The following AGBL4 variants were observed in gnomAD, a reference collection of about 807,000 sequenced individuals.
AGBL4 encodes cytosolic carboxypeptidase 6.
AGBL4 carries 58 observed loss-of-function variants against 66.4 expected under a neutral mutation model. The ratio of observed to expected loss-of-function variants is 0.87; its 90% CI spans 0.71 to 1.09. AGBL4 has a LOEUF of 1.09. Among genes scored for constraint, AGBL4 ranks in the 50% least tolerant of loss-of-function variants. The probability of loss-of-function intolerance (pLI) is 0.00; values close to 1 mark genes in which losing one functional copy is unlikely to be tolerated. For synonymous variants in AGBL4, 234 were observed against 222.9 expected, an observed-to-expected ratio of 1.05 and a Z score of -0.44; for missense variants, 579 against 631.0, an observed-to-expected ratio of 0.92 and a Z score of 0.88.
Position 49,268,587 on chromosome 1 carries a change from T to C in AGBL4, c.283-22723A>G, listed in dbSNP as rs1012809233. Among the ~76,000 whole-genome samples, 10 of 152,136 alleles carry C rather than the reference T, an allele frequency of 6.6e-5. 1 individual carries two copies. In the East Asian group the frequency reaches 1.9e-3, roughly 29 times the overall value. ...ACTGGAATTATAAGTACAAGCACAG[T>C]GCTTTGCCTTCCTTTTAAAAATTTC... On this transcript the variant is annotated intron_variant, in intron 3 of 13. Coordinates refer to ENST00000371839, the MANE Select transcript of AGBL4 (RefSeq NM_032785.4).
At chr1:49,734,561 T>C (rs1485196930) in intron 2 of AGBL4, among the ~76,000 whole-genome samples, 2 of 151,928 alleles carry the variant, frequency 1.3e-5, no homozygotes, top group Non-Finnish European at 2.9e-5. Flanking sequence ...ATCCAAAAAA[T>C]TAAAAATAAA....
At chr1:49,951,855 T>C (rs750426239) in intron 1 of AGBL4, among the ~76,000 whole-genome samples, 5 of 151,584 alleles carry the variant, frequency 3.3e-5, no homozygotes, top group Non-Finnish European at 7.4e-5. Context: ...TGGAAAGGAG[T>C]AGATATTTAG....
chr1:48,854,846 A>T (rs1197719142), intron 6 of AGBL4, among the ~76,000 whole-genome samples: 1 of 152,208 alleles, frequency 6.6e-6, no homozygotes, highest in East Asian at 1.9e-4. Flanking sequence ...TGCAGCTGCT[A>T]CAGCCATCGT....
chr1:49,310,432 G>A (rs185047435), intron 3 of AGBL4, among the ~76,000 whole-genome samples: 138 of 152,106 alleles, frequency 9.1e-4, no homozygotes, highest in Admixed American at 5.3e-3. Flanking sequence ...GGGAAGCATC[G>A]GTGGAAAAGC....
chr1:48,697,631 C>G (rs1301088992), intron 6 of AGBL4, among the ~76,000 whole-genome samples: 1 of 152,134 alleles, frequency 6.6e-6, no homozygotes, highest in South Asian at 2.1e-4. Flanking sequence ...CAGTACTGAC[C>G]AGAAAGATAG....
intron 3 of AGBL4, among the ~76,000 whole-genome samples, chr1:49,596,786 G>A (rs563709714): frequency 1.3e-5 from 2 of 152,286 alleles, no homozygotes; most frequent in South Asian, 4.1e-4. Context: ...AAGACTGGAT[G>A]AAGCAACAAT....
chr1:49,119,479 T>C (rs547931743), intron 4 of AGBL4, among the ~76,000 whole-genome samples: 76 of 152,300 alleles, frequency 5.0e-4, no homozygotes, highest in Middle Eastern at 3.4e-3. Context: ...CATGAGTACG[T>C]TGTTCAGTTT....
intron 3 of AGBL4, among the ~76,000 whole-genome samples, chr1:49,443,606 CT>C (rs2148671700): frequency 6.6e-6 from 1 of 151,980 alleles, no homozygotes; most frequent in South Asian, 2.1e-4. Flanking sequence ...GTTTTCAATT[CT>C]GTTCCATTGA....
At chr1:49,859,258 T>C (rs925677008) in intron 1 of AGBL4, among the ~76,000 whole-genome samples, 8 of 152,132 alleles carry the variant, frequency 5.3e-5, no homozygotes, top group Non-Finnish European at 1.2e-4. Flanking sequence ...TTAGATGAAA[T>C]TACTAAGCAG....
intron 6 of AGBL4, among the ~76,000 whole-genome samples, chr1:48,726,478 A>C (rs568594050): frequency 2.6e-4 from 39 of 152,360 alleles, no homozygotes; most frequent in African/African-American, 9.1e-4. Context: ...TTACTTTGTG[A>C]AATGAGTTAA....
intron 3 of AGBL4, among the ~76,000 whole-genome samples, chr1:49,429,850 AT>A (rs1186333971): frequency 0.058 from 8,147 of 139,486 alleles, 505 homozygotes; most frequent in African/African-American, 0.18. Flanking sequence ...CTTTGAATAT[AT>A]TTTTTTTTTT....
chr1:48,809,645 A>G (rs892051564), intron 6 of AGBL4, among the ~76,000 whole-genome samples: 3 of 152,160 alleles, frequency 2.0e-5, no homozygotes, highest in African/African-American at 7.2e-5. Context: ...ACCACATGTG[A>G]TTATTATAAA....
At chr1:49,958,541 C>T (rs1053591854) in intron 1 of AGBL4, among the ~76,000 whole-genome samples, 1 of 151,848 alleles carries the variant, frequency 6.6e-6, no homozygotes, top group Non-Finnish European at 1.5e-5. Flanking sequence ...CATGTCCTTT[C>T]TAGGGACATG....
Position 48,534,084 on chromosome 1 carries a change from C to T in AGBL4, c.*89G>A. ...TAGCCTATGCATTAATCCACAAATC[C>T]TTGGAAGCTAGAGAAGAGTGATTAA... On this transcript the variant is annotated 3_prime_UTR_variant, in exon 14 of 14. Transcript: ENST00000371839. The T allele has an allele frequency of 6.5e-7, 1 of 1,537,184 alleles. No homozygotes were observed. The highest frequency in any genetic ancestry group is 8.8e-7 in the Non-Finnish European group (1 of 1,134,590).
chr1:49,895,494 G>A (rs1456948908), intron 1 of AGBL4, among the ~76,000 whole-genome samples: 3 of 151,884 alleles, frequency 2.0e-5, no homozygotes, highest in Non-Finnish European at 4.4e-5. Flanking sequence ...AACTTTTCAA[G>A]ACATAAATAG....
At chr1:49,232,497 G>A (rs1650393835) in intron 4 of AGBL4, among the ~76,000 whole-genome samples, 1 of 152,108 alleles carries the variant, frequency 6.6e-6, no homozygotes, top group South Asian at 2.1e-4. Context: ...AGGAGATCGA[G>A]ACCATCCTGG....
At chr1:49,411,375 C>T (rs1645311079) in intron 3 of AGBL4, among the ~76,000 whole-genome samples, 2 of 152,186 alleles carry the variant, frequency 1.3e-5, no homozygotes. Flanking sequence ...GGTGCCTATC[C>T]ACACTGAGGG....
intron 1 of AGBL4, among the ~76,000 whole-genome samples, chr1:49,865,453 G>A (rs1332048600): frequency 6.6e-6 from 1 of 152,094 alleles, no homozygotes; most frequent in African/African-American, 2.4e-5. Flanking sequence ...GATACAAGAG[G>A]GACCCAGGCA....
At chr1:49,355,257 T>A (rs186942191) in intron 3 of AGBL4, among the ~76,000 whole-genome samples, 1 of 152,326 alleles carries the variant, frequency 6.6e-6, no homozygotes, top group Non-Finnish European at 1.5e-5. Flanking sequence ...ATTCACCTCA[T>A]AATCTCCATC....
Sources: allele counts gnomAD v4.1 joint callset (sites outside exome capture counted in the v4.1 genomes callset), GRCh38; gene constraint gnomAD v4.1.1; transcripts MANE v1.5; gene names NCBI Gene and HGNC (gene_info 2026-07-23, HGNC 2026-07-21).